The following CMC1 variants were observed in gnomAD, a reference collection of about 807,000 sequenced individuals.
The protein encoded by CMC1 is C-X9-C motif containing 1.
Under a neutral mutation model 14.1 loss-of-function variants are expected in CMC1, and 14 were observed. The ratio of observed to expected loss-of-function variants is 0.99; its 90% CI spans 0.66 to 1.55. The LOEUF (loss-of-function observed/expected upper bound fraction) is 1.55, where lower values mean the gene tolerates loss of function less well. CMC1 is among the 40% of genes most tolerant of loss of function. CMC1 has a pLI of 0.00. For missense variants in CMC1, 127 were observed against 123.8 expected (o/e 1.03, Z -0.12); for synonymous variants, 50 against 38.4 (o/e 1.30, Z -1.12).
intron 2 of CMC1, among the ~76,000 whole-genome samples, chr3:28,265,898 G>A (rs561517113): frequency 1.3e-5 from 2 of 152,196 alleles, no homozygotes; most frequent in South Asian, 4.1e-4. Flanking sequence ...CAGACACTTG[G>A]TGCTCACAGC....
At chr3:28,258,503 C>A (rs62250536) in intron 1 of CMC1, among the ~76,000 whole-genome samples, 27 of 148,970 alleles carry the variant, frequency 1.8e-4, no homozygotes, top group African/African-American at 6.7e-4. Flanking sequence ...TTTTTTTTTC[C>A]ATGTTAATAC....
rs559920760 is a variant in CMC1 at position 28,320,504 on chromosome 3, T to A, written c.*875T>A. ...CCAGCCTCATCACCCTATTACCTCT[T>A]AAAGGCTCCATTTCTTAGTCCTGTT... On this transcript the variant is annotated 3_prime_UTR_variant, in exon 4 of 4. Transcript: ENST00000466830. The A allele has an allele frequency of 4.0e-5, 6 of 151,524 alleles. No homozygotes were observed. The highest frequency in any genetic ancestry group is 3.2e-3 in the Middle Eastern group (1 of 316). 9.4% of individuals were successfully genotyped at this position (151,524 alleles called of 1,614,324 possible).
chr3:28,293,686 G>T (rs1553618997), intron 2 of CMC1, among the ~76,000 whole-genome samples: 1 of 151,908 alleles, frequency 6.6e-6, no homozygotes, highest in Non-Finnish European at 1.5e-5. Flanking sequence ...GATTCAAGTG[G>T]TTTTTCTGCC....
At chr3:28,270,603 GT>G (rs1411185023) in intron 2 of CMC1, among the ~76,000 whole-genome samples, 1 of 151,778 alleles carries the variant, frequency 6.6e-6, no homozygotes, top group Non-Finnish European at 1.5e-5. Flanking sequence ...GGAGTTGTTT[GT>G]TTTTTTCTTA....
intron 2 of CMC1, among the ~76,000 whole-genome samples, chr3:28,306,383 GA>G (rs953568931): frequency 1.3e-5 from 2 of 151,934 alleles, no homozygotes; most frequent in African/African-American, 4.8e-5. Flanking sequence ...AGTTCTCGTA[GA>G]GCTCTTTCAC....
chr3:28,294,431 C>T, intron 2 of CMC1: 1 of 934,460 alleles, frequency 1.1e-6, no homozygotes, highest in Non-Finnish European at 1.3e-6. Context: ...TTTTACAATA[C>T]AGGACAAGTA....
chr3:28,275,148 C>T (rs1046636015), intron 2 of CMC1, among the ~76,000 whole-genome samples: 5 of 151,954 alleles, frequency 3.3e-5, no homozygotes, highest in East Asian at 1.9e-4. Context: ...AGAGGTGTTG[C>T]GATCATTTGG....
intron 1 of CMC1, among the ~76,000 whole-genome samples, chr3:28,257,667 C>T (rs554569490): frequency 5.3e-5 from 8 of 152,134 alleles, no homozygotes; most frequent in South Asian, 2.1e-4. Flanking sequence ...TTTAGGCGCA[C>T]GCCACCATGC....
chr3:28,303,141 GTACC>G (rs1702144226), intron 2 of CMC1, among the ~76,000 whole-genome samples: 1 of 152,160 alleles, frequency 6.6e-6, no homozygotes, highest in Non-Finnish European at 1.5e-5. Context: ...CACGCATAAA[GTACC>G]TAGTATAGTA....
In CMC1 at chr3:28,293,307, CT is replaced by C. The variant is rs368066751; in HGVS notation, c.110-23012del. On this transcript the variant is annotated intron_variant, in intron 2 of 3. Coordinates refer to ENST00000466830, the MANE Select transcript of CMC1 (RefSeq NM_182523.2). ...TTTGATTAAGCTACAAATAGAGGGA[CT>C]TTTTTTTTTTTTTCGAGTGGCTGGG... is the stretch of plus-strand genomic sequence containing the variant. Among the ~76,000 whole-genome samples the C allele has an allele frequency of 4.5e-3, 636 of 139,874 alleles. 3 individuals are homozygous for C. Among genetic ancestry groups the C allele is most frequent in the Middle Eastern group, 0.026 (7 of 270 alleles). 91.8% of individuals were successfully genotyped at this position (139,874 alleles called of 152,430 possible).
chr3:28,263,606 T>C (rs1055736195), intron 2 of CMC1, among the ~76,000 whole-genome samples: 3 of 152,134 alleles, frequency 2.0e-5, no homozygotes, highest in Non-Finnish European at 4.4e-5. Context: ...CATTTTTTGT[T>C]TTTTTACCCT....
chr3:28,322,611 G>A lies in CMC1; in HGVS notation c.*2982G>A, dbSNP rs749940339. Reference sequence around the variant, plus strand: ...TCCTTCAGCTAAAGCCTGGAGTATTGTATTTCTTTTATGCATATTGGGTTT... The same window carrying A: ...TCCTTCAGCTAAAGCCTGGAGTATTATATTTCTTTTATGCATATTGGGTTT... On this transcript the variant is annotated 3_prime_UTR_variant, in exon 4 of 4. Coordinates refer to ENST00000466830, the MANE Select transcript of CMC1 (RefSeq NM_182523.2). The A allele has an allele frequency of 1.3e-5, 2 of 151,544 alleles. No individual in the cohort carries two copies. The highest frequency in any genetic ancestry group is 4.8e-5 in the African/African-American group (2 of 41,288). The allele number at this position is 151,544 out of a possible 1,614,324, so 9.4% of individuals were successfully genotyped here. A position where few individuals can be genotyped will look rare whatever the true frequency, so the allele number is the denominator to read the frequency against.
intron 1 of CMC1, among the ~76,000 whole-genome samples, chr3:28,253,443 T>C (rs1699235390): frequency 6.6e-6 from 1 of 152,134 alleles, no homozygotes. Flanking sequence ...TAGCTTGATG[T>C]GGTGGTGTGT....
chr3:28,275,125 A>G (rs903973203), intron 2 of CMC1, among the ~76,000 whole-genome samples: 17 of 152,056 alleles, frequency 1.1e-4, no homozygotes, highest in African/African-American at 3.9e-4. Context: ...GCCCAGTTCT[A>G]TGCCCTTGCT....
chr3:28,269,096 AATCAAATTTT>A (rs1700143836), intron 2 of CMC1, among the ~76,000 whole-genome samples: 1 of 152,180 alleles, frequency 6.6e-6, no homozygotes, highest in Non-Finnish European at 1.5e-5. Context: ...CTAATTTATA[AATCAAATTTT>A]ATCAGGGGTA....
At chr3:28,248,032 T>C (rs778190593) in intron 1 of CMC1, among the ~76,000 whole-genome samples, 1 of 152,176 alleles carries the variant, frequency 6.6e-6, no homozygotes, top group African/African-American at 2.4e-5. Flanking sequence ...TTTTTAAGGT[T>C]TAGGATTAAA....
intron 2 of CMC1, among the ~76,000 whole-genome samples, chr3:28,283,568 GAA>G (rs975246679): frequency 8.4e-6 from 1 of 119,382 alleles, no homozygotes; most frequent in Non-Finnish European, 1.9e-5. Flanking sequence ...AAAAAAAAAA[GAA>G]AAGAAGAAAG....
intron 2 of CMC1, 200 bp from the exon 3 acceptor site, chr3:28,316,133 T>C: frequency 2.7e-6 from 1 of 376,070 alleles, no homozygotes; most frequent in East Asian, 3.9e-5. Context: ...TGTACATGTC[T>C]TTTGTTGAGC....
At chr3:28,241,859 C>A in intron 1 of CMC1, 47 bp downstream of exon 1, 2 of 1,234,840 alleles carry the variant, frequency 1.6e-6, no homozygotes, top group South Asian at 4.1e-5. Context: ...CGCCCCGGGT[C>A]TCACGCCGCG....
Sources: allele counts gnomAD v4.1 joint callset (sites outside exome capture counted in the v4.1 genomes callset), GRCh38; gene constraint gnomAD v4.1.1; transcripts MANE v1.5; gene names NCBI Gene and HGNC (gene_info 2026-07-23, HGNC 2026-07-21).